SIAH3: variants seen among roughly 807,000 people sequenced by gnomAD.
The protein encoded by SIAH3 is seven in absentia homolog 3.
SIAH3 carries 9 observed loss-of-function variants against 12.6 expected under a neutral mutation model. That is an observed-to-expected ratio of 0.72 (90% CI 0.43 to 1.25). The LOEUF (loss-of-function observed/expected upper bound fraction) is 1.25, where lower values mean the gene tolerates loss of function less well. Among genes scored for constraint, SIAH3 ranks in the 50% most tolerant of loss-of-function variants. The probability of loss-of-function intolerance (pLI) is 0.00; values close to 1 mark genes in which losing one functional copy is unlikely to be tolerated. For synonymous variants in SIAH3, 154 were observed against 151.1 expected (o/e 1.02, Z -0.14); for missense variants, 390 against 365.4 (o/e 1.07, Z -0.55).
chr13:45,790,539 G>A (rs1536185), intron 1 of SIAH3, among the ~76,000 whole-genome samples: 126,176 of 152,180 alleles, frequency 0.83, 52,651 homozygotes, highest in Admixed American at 0.88. Context: ...GCTGACAAGC[G>A]TTAGCTGATT....
intron 1 of SIAH3, 77 bp from the exon 2 acceptor site, chr13:45,784,134 T>A (rs1950517457): frequency 2.9e-6 from 4 of 1,371,048 alleles, no homozygotes; most frequent in Middle Eastern, 1.9e-4. Flanking sequence ...ATGTTCAAAG[T>A]GTTAAAAAGC....
At chr13:45,842,088 G>A (rs562378241) in intron 1 of SIAH3, among the ~76,000 whole-genome samples, 23 of 152,248 alleles carry the variant, frequency 1.5e-4, no homozygotes, top group Admixed American at 4.6e-4. Context: ...CATTATTCTG[G>A]CTCTCAGCTT....
intron 1 of SIAH3, among the ~76,000 whole-genome samples, chr13:45,807,912 A>G (rs1330566556): frequency 1.3e-5 from 2 of 152,242 alleles, no homozygotes; most frequent in African/African-American, 4.8e-5. Flanking sequence ...AACTTATATT[A>G]ACAACCCAGG....
Position 45,779,510 on chromosome 13 carries a change from T to C in SIAH3, c.*3873A>G, listed in dbSNP as rs1950495973. 1 of 152,188 alleles carries C rather than the reference T, an allele frequency of 6.6e-6. No individual in the cohort carries two copies. Among genetic ancestry groups the C allele is most frequent in the South Asian group, 2.1e-4 (1 of 4,836 alleles). 9.4% of individuals were successfully genotyped at this position (152,188 alleles called of 1,614,324 possible). ...GGTCCTTCTGAGCCTTGGGTCCATA[T>C]GTTCATAGAAATGACATGGTTGCTG... On this transcript the variant is annotated 3_prime_UTR_variant, in exon 2 of 2. Transcript: ENST00000400405.
intron 1 of SIAH3, among the ~76,000 whole-genome samples, chr13:45,846,923 C>G (rs1168129788): frequency 6.6e-6 from 1 of 152,188 alleles, no homozygotes; most frequent in East Asian, 1.9e-4. Context: ...CCAGAAAAGC[C>G]GCACGAATGC....
chr13:45,802,477 G>A lies in SIAH3; in HGVS notation c.136-18420C>T, dbSNP rs369299170. Among the ~76,000 whole-genome samples, 9 of 152,230 alleles carry A rather than the reference G, an allele frequency of 5.9e-5. No individual in the cohort carries two copies. In the South Asian group the frequency reaches 1.0e-3, roughly 18 times the overall value. The stretch of plus-strand genomic sequence containing the variant: ...TAGTCCTTCTTTTGGATGTGGGAAT[G>A]TGACCCCTGAGCAGAAAGGATAATG... On this transcript the variant is annotated intron_variant, in intron 1 of 1. Coordinates refer to ENST00000400405, the MANE Select transcript of SIAH3 (RefSeq NM_198849.3).
At chr13:45,795,215 G>GACCA (rs1950558610) in intron 1 of SIAH3, among the ~76,000 whole-genome samples, 1 of 152,130 alleles carries the variant, frequency 6.6e-6, no homozygotes, top group Non-Finnish European at 1.5e-5. Context: ...CCCAGAGTGG[G>GACCA]TACAGAAGAT....
At chr13:45,822,556 T>TATATATA (rs58735572) in intron 1 of SIAH3, among the ~76,000 whole-genome samples, 238 of 136,784 alleles carry the variant, frequency 1.7e-3, no homozygotes, top group East Asian at 2.3e-3. Context: ...TATATATATA[T>TATATATA]TAGACTAGGG....
chr13:45,783,316 C>G lies in SIAH3; in HGVS notation c.*67G>C, dbSNP rs940623711. 6.2e-6 allele frequency: 8 copies of G among 1,297,662 alleles called. No homozygotes were observed. In the African/African-American group the frequency reaches 1.0e-4, roughly 17 times the overall value. 80.4% of individuals were successfully genotyped at this position (1,297,662 alleles called of 1,614,324 possible). ...AGAAGAATAAAAAGGAGTCTGGAGT[C>G]CTGGTATTGGGAGGTCCCAGGCGTT... On this transcript the variant is annotated 3_prime_UTR_variant, in exon 2 of 2. Coordinates refer to ENST00000400405, the MANE Select transcript of SIAH3 (RefSeq NM_198849.3).
intron 1 of SIAH3, among the ~76,000 whole-genome samples, chr13:45,824,969 C>A (rs1220746437): frequency 6.6e-6 from 1 of 150,944 alleles, no homozygotes; most frequent in African/African-American, 2.4e-5. Context: ...GACAGAGAAC[C>A]AAGGCGTGTG....
chr13:45,802,998 G>T (rs748174619), intron 1 of SIAH3, among the ~76,000 whole-genome samples: 1 of 152,110 alleles, frequency 6.6e-6, no homozygotes, highest in Non-Finnish European at 1.5e-5. Flanking sequence ...CTTGAACCTG[G>T]GAGAAGGAGG....
intron 1 of SIAH3, among the ~76,000 whole-genome samples, chr13:45,814,343 A>G (rs1006310199): frequency 6.6e-6 from 1 of 152,050 alleles, no homozygotes; most frequent in Admixed American, 6.6e-5. Flanking sequence ...CAATGGGAGA[A>G]ACTGGCAAGC....
intron 1 of SIAH3, among the ~76,000 whole-genome samples, chr13:45,793,091 A>T (rs1343702487): frequency 6.6e-6 from 1 of 152,204 alleles, no homozygotes; most frequent in Non-Finnish European, 1.5e-5. Context: ...ACTGGACACC[A>T]TGTCCAGAGA....
chr13:45,816,912 T>C (rs1950636672), intron 1 of SIAH3, among the ~76,000 whole-genome samples: 1 of 152,220 alleles, frequency 6.6e-6, no homozygotes, highest in Non-Finnish European at 1.5e-5. Flanking sequence ...CTAATGTCAT[T>C]GACAAAGGCT....
At chr13:45,793,750 A>G (rs1950553777) in intron 1 of SIAH3, among the ~76,000 whole-genome samples, 1 of 152,206 alleles carries the variant, frequency 6.6e-6, no homozygotes, top group Non-Finnish European at 1.5e-5. Context: ...CTAACTAGTT[A>G]TGATAGGTTA....
At chr13:45,830,651 G>C (rs1026599953) in intron 1 of SIAH3, among the ~76,000 whole-genome samples, 5 of 152,180 alleles carry the variant, frequency 3.3e-5, no homozygotes, top group African/African-American at 1.2e-4. Context: ...CCTTCTGCTG[G>C]GCATTGAGGC....
intron 1 of SIAH3, among the ~76,000 whole-genome samples, chr13:45,848,021 A>G (rs1013923844): frequency 1.3e-5 from 2 of 152,138 alleles, no homozygotes; most frequent in Non-Finnish European, 2.9e-5. Context: ...GCTGGCGCCA[A>G]TGGGAGTGGA....
At chr13:45,832,140 G>A (rs964343945) in intron 1 of SIAH3, among the ~76,000 whole-genome samples, 1 of 152,210 alleles carries the variant, frequency 6.6e-6, no homozygotes, top group Non-Finnish European at 1.5e-5. Context: ...CCCTGCCTGG[G>A]GACTTGGCCT....
intron 1 of SIAH3, among the ~76,000 whole-genome samples, chr13:45,812,469 A>G (rs1950619460): frequency 6.6e-6 from 1 of 152,162 alleles, no homozygotes; most frequent in South Asian, 2.1e-4. Flanking sequence ...CCTGCTAAAG[A>G]GCTTTCCCTA....
Sources: allele counts gnomAD v4.1 joint callset (sites outside exome capture counted in the v4.1 genomes callset), GRCh38; gene constraint gnomAD v4.1.1; transcripts MANE v1.5; gene names NCBI Gene and HGNC (gene_info 2026-07-23, HGNC 2026-07-21).